Variants in NCKAP5 observed in about 807,000 individuals in gnomAD.
NCKAP5 encodes the protein nck-associated protein 5.
A neutral mutation model predicts 167.0 loss-of-function variants in NCKAP5; 92 were observed. That is an observed-to-expected ratio of 0.55 (90% CI 0.47 to 0.66). The LOEUF is 0.66. NCKAP5 is among the 30% of genes least tolerant of loss of function. The pLI, the probability that NCKAP5 is intolerant of heterozygous loss-of-function variation, is 0.00. For missense variants in NCKAP5, 2,378 were observed against 2,315.0 expected, an observed-to-expected ratio of 1.03 and a Z score of -0.56; for synonymous variants, 891 against 877.4, an observed-to-expected ratio of 1.02 and a Z score of -0.27.
intron 4 of NCKAP5, among the ~76,000 whole-genome samples, chr2:133,227,983 C>T (rs1013293467): frequency 5.3e-5 from 8 of 152,142 alleles, no homozygotes; most frequent in Admixed American, 4.6e-4. Context: ...TACCACTTGG[C>T]ATGACACTCC....
At chr2:133,592,442 T>C in the NCKAP5 span, among the ~76,000 whole-genome samples, 3 of 152,256 alleles carry the variant, frequency 2.0e-5, no homozygotes, top group Admixed American at 2.0e-4. Flanking sequence ...TCATTGACTC[T>C]TTCTGCATTT....
chr2:133,181,700 C>A (rs74524380), intron 5 of NCKAP5, among the ~76,000 whole-genome samples: 1,813 of 151,552 alleles, frequency 0.012, 42 homozygotes, highest in African/African-American at 0.042. Flanking sequence ...ATTGCTTGAC[C>A]CTCGGAGGCA....
At chr2:132,731,603 TG>T in intron 17 of NCKAP5, 133 bp downstream of exon 17, 1 of 897,788 alleles carries the variant, frequency 1.1e-6, no homozygotes, top group Non-Finnish European at 1.7e-6. Flanking sequence ...TGCTTGTTGG[TG>T]AAGGACATGA....
chr2:133,558,173 A>T (rs2105000979), intron 2 of NCKAP5: 1 of 152,138 alleles, frequency 6.6e-6, no homozygotes, highest in East Asian at 1.9e-4. Flanking sequence ...TGTAATGTGG[A>T]TGTGTTCTTT....
chr2:133,353,093 G>C (rs1684477082), intron 3 of NCKAP5, among the ~76,000 whole-genome samples: 2 of 152,148 alleles, frequency 1.3e-5, no homozygotes, highest in Admixed American at 1.3e-4. Context: ...CTGAGTAGTG[G>C]TCACTAAATT....
intron 3 of NCKAP5, among the ~76,000 whole-genome samples, chr2:133,344,407 C>T (rs75696425): frequency 2.2e-5 from 2 of 90,224 alleles, no homozygotes; most frequent in Non-Finnish European, 2.4e-5. Context: ...AACTTTGTCT[C>T]AAAAAAAAAA....
chr2:133,207,041 G>A (rs1230303252), intron 5 of NCKAP5, among the ~76,000 whole-genome samples: 4 of 152,158 alleles, frequency 2.6e-5, no homozygotes, highest in African/African-American at 7.2e-5. Flanking sequence ...GCAGGACATA[G>A]ACGCTCATCA....
At chr2:133,610,721 A>T in the NCKAP5 span, among the ~76,000 whole-genome samples, 14 of 152,192 alleles carry the variant, frequency 9.2e-5, no homozygotes, top group Non-Finnish European at 1.9e-4. Context: ...CTCTTTTAAA[A>T]ATAGATTAAA....
At chr2:132,694,135 A>ATTTATTTATTTT (rs1573898381) in intron 19 of NCKAP5, among the ~76,000 whole-genome samples, 4 of 149,840 alleles carry the variant, frequency 2.7e-5, no homozygotes, top group African/African-American at 1.0e-4. Flanking sequence ...TTATTTATTT[A>ATTTATTTATTTT]TTTTTTGAAT....
intron 4 of NCKAP5, among the ~76,000 whole-genome samples, chr2:133,216,239 G>A (rs1259323186): frequency 2.0e-5 from 3 of 152,056 alleles, no homozygotes; most frequent in East Asian, 3.9e-4. Flanking sequence ...ACTAGGTAAC[G>A]AGAAACAAGA....
intron 3 of NCKAP5, among the ~76,000 whole-genome samples, chr2:133,373,961 G>T (rs1293927489): frequency 6.6e-6 from 1 of 152,094 alleles, no homozygotes; most frequent in Non-Finnish European, 1.5e-5. Flanking sequence ...AACACAGAAT[G>T]GTAAAACCCT....
intron 7 of NCKAP5, among the ~76,000 whole-genome samples, chr2:132,984,019 G>A (rs1277235916): frequency 6.6e-6 from 1 of 152,176 alleles, no homozygotes. Flanking sequence ...TGACGTTGGA[G>A]GCTGAGGCAG....
At chr2:133,603,465 T>G in the NCKAP5 span, among the ~76,000 whole-genome samples, 3 of 152,304 alleles carry the variant, frequency 2.0e-5, no homozygotes, top group South Asian at 6.2e-4. Flanking sequence ...CCTCAGTTGA[T>G]CCGCCTATCT....
intron 19 of NCKAP5, among the ~76,000 whole-genome samples, chr2:132,713,111 G>A (rs1157144919): frequency 1.1e-5 from 1 of 92,552 alleles, no homozygotes; most frequent in African/African-American, 4.6e-5. Flanking sequence ...TAAGAAATGT[G>A]CATTTTTTGC....
At chr2:133,405,242 A>G (rs765193225) in intron 3 of NCKAP5, among the ~76,000 whole-genome samples, 1 of 152,172 alleles carries the variant, frequency 6.6e-6, no homozygotes, top group East Asian at 1.9e-4. Flanking sequence ...AAGACACTTT[A>G]TTTAGCATAG....
At position 132,994,178 on chromosome 2, in the gene NCKAP5, C is replaced by A; in HGVS notation, c.403G>T (p.Glu135Ter). The A allele has an allele frequency of 6.3e-7, 1 of 1,587,838 alleles. No homozygotes were observed. The highest frequency in any genetic ancestry group is 8.6e-7 in the Non-Finnish European group (1 of 1,165,866). Residue 135 changes from glutamate to a stop codon, truncating the protein, a stop_gained, in exon 7 of 20, where the codon GAA (glutamate) becomes TAA (stop). Coordinates refer to ENST00000409261, the MANE Select transcript of NCKAP5 (RefSeq NM_207363.3). LOFTEE classifies it high-confidence loss of function. ...TGATAGACCATTATATTAACAGTTTCTTCTTTTTTCTGCTCTGGAGATCCT... is the reference window on the plus strand; with the variant it reads ...TGATAGACCATTATATTAACAGTTTATTCTTTTTTCTGCTCTGGAGATCCT... ...SQGSPEQKKE[E>*]TVNIMVYQEK...
chr2:133,245,112 A>G (rs936332455), intron 4 of NCKAP5, among the ~76,000 whole-genome samples: 6 of 152,126 alleles, frequency 3.9e-5, no homozygotes, highest in African/African-American at 1.4e-4. Context: ...ACTTTGGGGA[A>G]CTGATAGAAC....
intron 4 of NCKAP5, among the ~76,000 whole-genome samples, chr2:133,217,661 T>C (rs1338914961): frequency 6.6e-6 from 1 of 152,090 alleles, no homozygotes; most frequent in Non-Finnish European, 1.5e-5. Flanking sequence ...AGATTATATT[T>C]AGTTCATCTC....
intron 6 of NCKAP5, among the ~76,000 whole-genome samples, chr2:133,060,392 T>C (rs993107007): frequency 6.6e-6 from 1 of 152,086 alleles, no homozygotes; most frequent in Non-Finnish European, 1.5e-5. Context: ...TCTTCAAAGC[T>C]AAAAAACAGC....
Sources: allele counts gnomAD v4.1 joint callset (sites outside exome capture counted in the v4.1 genomes callset), GRCh38; gene constraint gnomAD v4.1.1; transcripts MANE v1.5; gene names NCBI Gene and HGNC (gene_info 2026-07-23, HGNC 2026-07-21).